The following STOX1 variants were observed in gnomAD, a reference collection of about 807,000 sequenced individuals.
STOX1 encodes storkhead-box protein 1.
A neutral mutation model predicts 74.8 loss-of-function variants in STOX1; 57 were observed. The observed-to-expected ratio is 0.76, with a 90% CI of 0.62 to 0.95. The LOEUF (loss-of-function observed/expected upper bound fraction) is 0.95. Among genes scored for constraint, STOX1 ranks in the 40% least tolerant of loss-of-function variants. The pLI, the probability that STOX1 is intolerant of heterozygous loss-of-function variation, is 0.00. For missense variants in STOX1, 1,010 were observed against 1,117.0 expected, an observed-to-expected ratio of 0.90 and a Z score of 1.37; for synonymous variants, 375 against 401.3, an observed-to-expected ratio of 0.93 and a Z score of 0.78.
intron 1 of STOX1, among the ~76,000 whole-genome samples, chr10:68,849,227 C>G (rs1362321724): frequency 1.3e-5 from 2 of 152,130 alleles, no homozygotes; most frequent in Non-Finnish European, 1.5e-5. Flanking sequence ...CCCTGTGTGT[C>G]CATGAGACCT....
At chr10:68,852,585 C>CT (rs893406654) in intron 1 of STOX1, among the ~76,000 whole-genome samples, 104 of 144,788 alleles carry the variant, frequency 7.2e-4, no homozygotes, top group Non-Finnish European at 6.4e-4. Flanking sequence ...ATTTTTTTGT[C>CT]TTTTTTTTTT....
At chr10:68,854,634 A>G (rs1840076674) in intron 1 of STOX1, among the ~76,000 whole-genome samples, 1 of 152,070 alleles carries the variant, frequency 6.6e-6, no homozygotes, top group Admixed American at 6.5e-5. Flanking sequence ...CACTACAGGT[A>G]TGCTGCCCAC....
chr10:68,876,415 C>CA (rs1170956376), intron 1 of STOX1, among the ~76,000 whole-genome samples: 1 of 152,026 alleles, frequency 6.6e-6, no homozygotes, highest in African/African-American at 2.4e-5. Flanking sequence ...CTCAGCCTCT[C>CA]AAAGTGCTGG....
chr10:68,859,663 T>G (rs1840211782), intron 1 of STOX1, among the ~76,000 whole-genome samples: 1 of 152,076 alleles, frequency 6.6e-6, no homozygotes, highest in Non-Finnish European at 1.5e-5. Flanking sequence ...CCTAATGTCC[T>G]TGGCTAGGTA....
intron 1 of STOX1, among the ~76,000 whole-genome samples, chr10:68,837,696 C>T (rs1352533308): frequency 6.6e-6 from 1 of 152,166 alleles, no homozygotes; most frequent in African/African-American, 2.4e-5. Context: ...TGAGAAAGAC[C>T]TCAGGAGCCA....
At chr10:68,894,694 AC>A (rs1332837152), downstream of STOX1, among the ~76,000 whole-genome samples, 1 of 152,156 alleles carries the variant, frequency 6.6e-6, no homozygotes, top group Non-Finnish European at 1.5e-5. Flanking sequence ...TGGAATCAGC[AC>A]CAGTGAATGG....
At chr10:68,859,599 C>T (rs2133556309) in intron 1 of STOX1, among the ~76,000 whole-genome samples, 1 of 152,148 alleles carries the variant, frequency 6.6e-6, no homozygotes, top group Non-Finnish European at 1.5e-5. Context: ...TAATCAAGCC[C>T]TTAGCAAGAC....
At chr10:68,870,515 A>G (rs1840512580) in intron 1 of STOX1, among the ~76,000 whole-genome samples, 1 of 152,224 alleles carries the variant, frequency 6.6e-6, no homozygotes, top group Non-Finnish European at 1.5e-5. Flanking sequence ...GAACCTGTGA[A>G]TATGTTACCT....
Position 68,882,122 on chromosome 10 carries a change from A to C in STOX1, c.463+12A>C. On this transcript the variant is annotated intron_variant, in intron 2 of 3. Coordinates refer to ENST00000298596, the MANE Select transcript of STOX1 (RefSeq NM_152709.5). ...GAAACATTACCCAGGTAGAGTAATA[A>C]ATTTTTGTCTATTTGTACTTCACTG... The C allele has an allele frequency of 1.2e-6, 2 of 1,613,138 alleles. No individual in the cohort carries two copies. Among genetic ancestry groups the C allele is most frequent in the Non-Finnish European group, 1.7e-6 (2 of 1,179,274 alleles).
At chr10:68,863,925 T>G (rs945108380) in intron 1 of STOX1, among the ~76,000 whole-genome samples, 7 of 150,642 alleles carry the variant, frequency 4.6e-5, no homozygotes, top group African/African-American at 1.5e-4. Flanking sequence ...TGCTTGTTTT[T>G]TTTTTTTTTT....
chr10:68,861,717 T>A (rs1554829175), intron 1 of STOX1, among the ~76,000 whole-genome samples: 1 of 152,136 alleles, frequency 6.6e-6, no homozygotes, highest in Non-Finnish European at 1.5e-5. Flanking sequence ...CAAGTGTTTT[T>A]ATCCATTTGG....
intron 1 of STOX1, among the ~76,000 whole-genome samples, chr10:68,873,735 C>T (rs1245230937): frequency 2.7e-5 from 4 of 146,768 alleles, no homozygotes; most frequent in Non-Finnish European, 5.9e-5. Context: ...CCTGCAAACT[C>T]CACCTCCCGG....
At position 68,892,639 on chromosome 10, in the gene STOX1, GA is replaced by G. The variant is rs745317122; in HGVS notation, c.2875del (p.Arg959AspfsTer25). On this transcript the variant is annotated frameshift_variant, in exon 4 of 4. Transcript: ENST00000298596. LOFTEE classifies it high-confidence loss of function. ...NNSVILDGLKRRQNFLQNVEG... is the reference protein window; with the variant it reads ...NNSVILDGLKXRQNFLQNVEG... ...TCAGTCATTTTGGATGGACTAAAAA[GA>G]AGACAGAATTTTCTGCAAAATGTCG... 6.2e-7 allele frequency: 1 copy of G among 1,613,632 alleles called. No individual in the cohort carries two copies. Among genetic ancestry groups the G allele is most frequent in the South Asian group, 1.1e-5 (1 of 91,056 alleles).
chr10:68,852,634 A>G (rs1380288302), intron 1 of STOX1, among the ~76,000 whole-genome samples: 2 of 150,578 alleles, frequency 1.3e-5, no homozygotes, highest in Non-Finnish European at 2.9e-5. Flanking sequence ...CCCAGGCTGT[A>G]GCGCAGTCTC....
chr10:68,830,105 C>T (rs11598054), intron 1 of STOX1, among the ~76,000 whole-genome samples: 1 of 152,072 alleles, frequency 6.6e-6, no homozygotes, highest in Non-Finnish European at 1.5e-5. Flanking sequence ...GTGGTAAATG[C>T]TGGTGTCTGT....
intron 1 of STOX1, among the ~76,000 whole-genome samples, chr10:68,843,386 G>A (rs1208478555): frequency 2.0e-5 from 3 of 152,208 alleles, no homozygotes; most frequent in Non-Finnish European, 4.4e-5. Flanking sequence ...CAGGTCTGTG[G>A]ACATGTTTTC....
chr10:68,834,817 C>T (rs1260501456), intron 1 of STOX1, among the ~76,000 whole-genome samples: 5 of 151,250 alleles, frequency 3.3e-5, no homozygotes, highest in African/African-American at 7.3e-5. Flanking sequence ...CTATGCCTCC[C>T]GGGTTCAAGC....
rs1002691623 is a variant in STOX1 at position 68,892,896 on chromosome 10, T to C, written c.*160T>C. 2.7e-5 allele frequency: 22 copies of C among 811,836 alleles called. No individual in the cohort carries two copies. Among genetic ancestry groups the C allele is most frequent in the Non-Finnish European group, 4.0e-5 (21 of 527,354 alleles). The allele number at this position is 811,836 out of a possible 1,614,324, so 50.3% of individuals were successfully genotyped here. On this transcript the variant is annotated 3_prime_UTR_variant, in exon 4 of 4. Transcript: ENST00000298596. The stretch of plus-strand genomic sequence containing the variant: ...TTTTGTTCTAATTACTGGCTTTTTT[T>C]CCTCTTTTGGTGTCTTAAGGCTTTT...
downstream of STOX1, among the ~76,000 whole-genome samples, chr10:68,894,921 A>G (rs1310829675): frequency 1.3e-5 from 2 of 152,060 alleles, no homozygotes; most frequent in Non-Finnish European, 2.9e-5. Flanking sequence ...ACAGGATCTC[A>G]CTATGTTGGC....
Sources: gnomAD v4.1 joint callset for allele counts (sites outside exome capture counted in the v4.1 genomes callset) on GRCh38, gnomAD v4.1.1 for gene constraint, MANE v1.5 for transcripts, NCBI Gene and HGNC (gene_info 2026-07-23, HGNC 2026-07-21) for gene names.